The following B3GALT1 variants were observed in gnomAD, a reference collection of about 807,000 sequenced individuals.
B3GALT1 encodes the protein UDP-Gal:betaGlcNAc beta 1,3-galactosyltransferase, polypeptide 1.
Under a neutral mutation model 23.2 loss-of-function variants are expected in B3GALT1, and 10 were observed. The observed-to-expected ratio is 0.43, with a 90% CI of 0.27 to 0.73. B3GALT1 has a LOEUF of 0.73. Ranked by LOEUF, B3GALT1 falls within the 30% of genes least tolerant of loss-of-function variation. The pLI is 0.21. For missense variants in B3GALT1, 299 were observed against 405.4 expected (o/e 0.74, Z 2.25); for synonymous variants, 156 against 141.5 (o/e 1.10, Z -0.73).
At chr2:167,864,034 C>G (rs574663688) in intron 4 of B3GALT1, among the ~76,000 whole-genome samples, 1 of 146,064 alleles carries the variant, frequency 6.8e-6, no homozygotes, top group East Asian at 2.2e-4. Flanking sequence ...GTGTATGTTT[C>G]AGGTCTTCAT....
At chr2:167,825,942 A>C (rs1689213469) in intron 4 of B3GALT1, among the ~76,000 whole-genome samples, 1 of 152,234 alleles carries the variant, frequency 6.6e-6, no homozygotes, top group Non-Finnish European at 1.5e-5. Flanking sequence ...ACAAATTCAG[A>C]GCAAATGTTA....
Position 167,352,050 on chromosome 2 carries a change from C to T in B3GALT1, c.-511+58716C>T, listed in dbSNP as rs373186502. On this transcript the variant is annotated intron_variant, in intron 1 of 4. Transcript: ENST00000392690. ...TCTTGGCTCACTGCAACCTCTGCCT[C>T]CCGGGTTCAAATGATTCCCCTGCCT... Among the ~76,000 whole-genome samples, 13 of 150,000 alleles carry T rather than the reference C, an allele frequency of 8.7e-5. No homozygotes were observed. The East Asian group carries it at 2.6e-3, about 30-fold the overall frequency.
At chr2:167,809,585 G>T (rs964020020) in intron 3 of B3GALT1, among the ~76,000 whole-genome samples, 14 of 152,206 alleles carry the variant, frequency 9.2e-5, no homozygotes, top group African/African-American at 3.4e-4. Context: ...AGCAGCAGAG[G>T]CTGCAGAACA....
intron 2 of B3GALT1, among the ~76,000 whole-genome samples, chr2:167,643,564 C>G (rs1226907): frequency 0.19 from 29,139 of 151,962 alleles, 3,203 homozygotes; most frequent in South Asian, 0.29. Flanking sequence ...ACTGATAATA[C>G]AAAAGGAGAG....
intron 4 of B3GALT1, among the ~76,000 whole-genome samples, chr2:167,842,941 T>C (rs1689680668): frequency 6.6e-6 from 1 of 152,186 alleles, no homozygotes; most frequent in Non-Finnish European, 1.5e-5. Flanking sequence ...CTGACATTTA[T>C]TTCTTTCATT....
intron 3 of B3GALT1, among the ~76,000 whole-genome samples, chr2:167,763,584 G>A (rs1322776092): frequency 7.9e-5 from 12 of 151,370 alleles, no homozygotes; most frequent in African/African-American, 1.5e-4. Context: ...CCAGCTACTC[G>A]GGAGGCTGAG....
intron 1 of B3GALT1, among the ~76,000 whole-genome samples, chr2:167,437,925 A>C (rs1442450327): frequency 6.6e-6 from 1 of 152,216 alleles, no homozygotes; most frequent in Non-Finnish European, 1.5e-5. Flanking sequence ...AAGTCTGTTA[A>C]GGTAGACCCA....
At chr2:167,393,275 GTT>G (rs961331233) in intron 1 of B3GALT1, among the ~76,000 whole-genome samples, 1 of 143,548 alleles carries the variant, frequency 7.0e-6, no homozygotes, top group African/African-American at 2.5e-5. Context: ...TTGTTGGTGA[GTT>G]TTTTTTTTTT....
chr2:167,659,126 A>T (rs1574195136), intron 3 of B3GALT1, among the ~76,000 whole-genome samples: 3 of 152,186 alleles, frequency 2.0e-5, no homozygotes, highest in Non-Finnish European at 4.4e-5. Context: ...ATTTGGAAAA[A>T]CCAAAAAACC....
intron 2 of B3GALT1, among the ~76,000 whole-genome samples, chr2:167,512,101 A>G (rs561280351): frequency 4.7e-4 from 72 of 152,318 alleles, no homozygotes; most frequent in African/African-American, 1.7e-3. Flanking sequence ...GCAAATTGTC[A>G]AATTCATGGC....
intron 4 of B3GALT1, among the ~76,000 whole-genome samples, chr2:167,833,317 C>T (rs1390356366): frequency 2.0e-5 from 3 of 152,142 alleles, no homozygotes; most frequent in Non-Finnish European, 4.4e-5. Context: ...GGAGGCTTAG[C>T]TGTATGGCAG....
intron 4 of B3GALT1, among the ~76,000 whole-genome samples, chr2:167,858,407 C>G (rs1289008836): frequency 1.3e-5 from 2 of 150,066 alleles, no homozygotes; most frequent in Non-Finnish European, 3.0e-5. Context: ...ACTGATCGTT[C>G]CTTATGAAAC....
chr2:167,828,109 G>A (rs1432760416), intron 4 of B3GALT1, among the ~76,000 whole-genome samples: 1 of 152,172 alleles, frequency 6.6e-6, no homozygotes, highest in Non-Finnish European at 1.5e-5. Context: ...GTGATGCTGT[G>A]TAATGTACCT....
At chr2:167,413,796 T>C (rs1029215865) in intron 1 of B3GALT1, among the ~76,000 whole-genome samples, 8 of 152,018 alleles carry the variant, frequency 5.3e-5, no homozygotes, top group Non-Finnish European at 1.2e-4. Flanking sequence ...GTTTTTTTCC[T>C]GTATTTTTAA....
chr2:167,410,294 G>C (rs1477957043), intron 1 of B3GALT1, among the ~76,000 whole-genome samples: 2 of 152,022 alleles, frequency 1.3e-5, no homozygotes, highest in East Asian at 3.9e-4. Flanking sequence ...ACGAGGTCAA[G>C]AGATCAAGAC....
intron 4 of B3GALT1, among the ~76,000 whole-genome samples, chr2:167,845,505 A>G (rs185491969): frequency 6.6e-6 from 1 of 152,256 alleles, no homozygotes; most frequent in Admixed American, 6.5e-5. Flanking sequence ...GACAATATTC[A>G]CTGCATTTTG....
At chr2:167,657,499 A>G (rs894845164) in intron 3 of B3GALT1, among the ~76,000 whole-genome samples, 32 of 152,148 alleles carry the variant, frequency 2.1e-4, no homozygotes, top group African/African-American at 7.5e-4. Context: ...CCCTGCTGAT[A>G]TAGGTAGCCA....
At chr2:167,513,359 G>T (rs907714568) in intron 2 of B3GALT1, among the ~76,000 whole-genome samples, 21 of 152,044 alleles carry the variant, frequency 1.4e-4, no homozygotes, top group Non-Finnish European at 3.1e-4. Context: ...TTGTAAAAGG[G>T]GAAACAAAGG....
At chr2:167,682,249 G>A (rs190740216) in intron 3 of B3GALT1, among the ~76,000 whole-genome samples, 118 of 152,274 alleles carry the variant, frequency 7.7e-4, no homozygotes, top group Non-Finnish European at 1.2e-3. Context: ...CCAATGGAAT[G>A]AGCTTTTACA....
Sources: allele counts gnomAD v4.1 joint callset (sites outside exome capture counted in the v4.1 genomes callset), GRCh38; gene constraint gnomAD v4.1.1; transcripts MANE v1.5; gene names NCBI Gene and HGNC (gene_info 2026-07-23, HGNC 2026-07-21).